Variants in XXYLT1 observed in about 807,000 individuals in gnomAD.
XXYLT1 encodes the protein xyloside xylosyltransferase 1.
A neutral mutation model predicts 28.9 loss-of-function variants in XXYLT1; 20 were observed. The ratio of observed to expected loss-of-function variants is 0.69; its 90% CI spans 0.49 to 1.00. The LOEUF (loss-of-function observed/expected upper bound fraction) is 1.00, where lower values mean the gene tolerates loss of function less well. XXYLT1 is among the 50% of genes least tolerant of loss of function. The pLI, the probability that XXYLT1 is intolerant of heterozygous loss-of-function variation, is 0.00. For synonymous variants in XXYLT1, 257 were observed against 253.8 expected (o/e 1.01, Z -0.12); for missense variants, 542 against 560.1 (o/e 0.97, Z 0.33).
At chr3:195,251,338 G>C (rs1725244631) in intron 1 of XXYLT1, among the ~76,000 whole-genome samples, 1 of 152,246 alleles carries the variant, frequency 6.6e-6, no homozygotes, top group South Asian at 2.1e-4. Context: ...ATGTGTTTCT[G>C]ACAGGGAAGG....
At chr3:195,117,782 G>T (rs1199126073) in intron 3 of XXYLT1, among the ~76,000 whole-genome samples, 1 of 152,218 alleles carries the variant, frequency 6.6e-6, no homozygotes, top group African/African-American at 2.4e-5. Flanking sequence ...ACACTGTGGA[G>T]GGGACTAATT....
At chr3:195,072,584 G>A (rs2108636567) in intron 3 of XXYLT1, among the ~76,000 whole-genome samples, 2 of 152,304 alleles carry the variant, frequency 1.3e-5, no homozygotes, top group Admixed American at 1.3e-4. Context: ...ACTCAATCAG[G>A]ATGAAGAGGT....
chr3:195,110,957 A>G (rs557892261), intron 3 of XXYLT1, among the ~76,000 whole-genome samples: 1 of 142,026 alleles, frequency 7.0e-6, no homozygotes, highest in East Asian at 2.2e-4. Flanking sequence ...GGGTGGGGGC[A>G]GGGTGATATT....
At chr3:195,127,425 A>G (rs1718694742) in intron 3 of XXYLT1, among the ~76,000 whole-genome samples, 1 of 152,206 alleles carries the variant, frequency 6.6e-6, no homozygotes, top group Non-Finnish European at 1.5e-5. Context: ...CTCAGGCCCC[A>G]TCTACTTGCA....
intron 2 of XXYLT1, among the ~76,000 whole-genome samples, chr3:195,178,035 G>A (rs1028701598): frequency 2.6e-5 from 4 of 151,880 alleles, no homozygotes; most frequent in Non-Finnish European, 4.4e-5. Flanking sequence ...TAACTGGACT[G>A]CACACTTAAG....
At chr3:195,208,169 A>G (rs896185509) in intron 2 of XXYLT1, among the ~76,000 whole-genome samples, 2 of 152,170 alleles carry the variant, frequency 1.3e-5, no homozygotes, top group African/African-American at 4.8e-5. Flanking sequence ...ACATACCCCA[A>G]CAGAGGTGGT....
At chr3:195,205,455 A>C (rs1723031116) in intron 2 of XXYLT1, among the ~76,000 whole-genome samples, 1 of 152,222 alleles carries the variant, frequency 6.6e-6, no homozygotes, top group African/African-American at 2.4e-5. Context: ...CTTGAAATAC[A>C]GAAATGAAGG....
chr3:195,207,596 C>G, intron 2 of XXYLT1: 1 of 403,276 alleles, frequency 2.5e-6, no homozygotes, highest in Non-Finnish European at 5.0e-6. Flanking sequence ...CACTTCACAG[C>G]TCTCTCTGTG....
At position 195,173,503 on chromosome 3, in the gene XXYLT1, C is replaced by T. The variant is rs934470640; in HGVS notation, c.653-16922G>A. The stretch of plus-strand genomic sequence containing the variant: ...CACAGCCTTGCTATGCACCTAAAAA[C>T]GGACATGAAACTCTATTTTTATTCA... On this transcript the variant is annotated intron_variant, in intron 2 of 3. Transcript: ENST00000310380. This position sits in a 1 kb window ranked among gnomAD's most constrained non-coding sequence, Gnocchi z 4.3. Among the ~76,000 whole-genome samples, 3 of 152,180 alleles carry T rather than the reference C, an allele frequency of 2.0e-5. No homozygotes were observed. The highest frequency in any genetic ancestry group is 4.1e-4 in the South Asian group (2 of 4,832).
rs996036691 is a variant in XXYLT1 at position 195,240,930 on chromosome 3, A to T, written c.505-14074T>A. ...AACAGAGCAAGACTCCATCTCAAAT[A>T]AAAAAAAGAGTCACTAAAACGCTCC... On this transcript the variant is annotated intron_variant, in intron 1 of 3. Coordinates refer to ENST00000310380, the MANE Select transcript of XXYLT1 (RefSeq NM_152531.5). This position sits in a 1 kb window ranked among gnomAD's most constrained non-coding sequence, Gnocchi z 4.7. 7.9e-5 allele frequency among the ~76,000 whole-genome samples: 12 copies of T among 152,120 alleles called. No individual in the cohort carries two copies. The highest frequency in any genetic ancestry group is 1.4e-4 in the African/African-American group (6 of 41,424).
chr3:195,125,944 C>T (rs1718597179), intron 3 of XXYLT1, among the ~76,000 whole-genome samples: 1 of 151,920 alleles, frequency 6.6e-6, no homozygotes, highest in Admixed American at 6.6e-5. Flanking sequence ...AGCTCTTCCA[C>T]AGGTTCACGA....
At chr3:195,155,667 G>A (rs1358448081) in intron 3 of XXYLT1, among the ~76,000 whole-genome samples, 3 of 95,664 alleles carry the variant, frequency 3.1e-5, no homozygotes, top group South Asian at 3.4e-4. Flanking sequence ...GCCCCCCACC[G>A]CCTGCCACGC....
intron 3 of XXYLT1, among the ~76,000 whole-genome samples, chr3:195,143,265 G>C (rs1014161325): frequency 6.6e-6 from 1 of 152,180 alleles, no homozygotes; most frequent in African/African-American, 2.4e-5. Flanking sequence ...AAGCCTTGCG[G>C]GGTGCAGCCC....
rs143665316 is a variant in XXYLT1 at position 195,203,589 on chromosome 3, A to G, written c.652+23120T>C. ...CATCTCCCTCTGTAAAACACAAAGA[A>G]CAGAGCTCTAGCCACCACTCAGGCC... On this transcript the variant is annotated intron_variant, in intron 2 of 3. Coordinates refer to ENST00000310380, the MANE Select transcript of XXYLT1 (RefSeq NM_152531.5). 2.6e-5 allele frequency among the ~76,000 whole-genome samples: 4 copies of G among 152,334 alleles called. No individual in the cohort carries two copies. In the East Asian group the frequency reaches 7.7e-4, roughly 29 times the overall value.
At chr3:195,136,828 A>G (rs1299672658) in intron 3 of XXYLT1, among the ~76,000 whole-genome samples, 1 of 152,112 alleles carries the variant, frequency 6.6e-6, no homozygotes, top group African/African-American at 2.4e-5. Context: ...AAATAAATAA[A>G]TAAATAAAAA....
intron 3 of XXYLT1, among the ~76,000 whole-genome samples, chr3:195,128,515 G>C (rs2108625481): frequency 6.6e-6 from 1 of 152,100 alleles, no homozygotes; most frequent in East Asian, 1.9e-4. Context: ...TGGTTTATGA[G>C]GCCCTCTGTG....
chr3:195,121,346 G>C (rs1718350859), intron 3 of XXYLT1, among the ~76,000 whole-genome samples: 1 of 152,224 alleles, frequency 6.6e-6, no homozygotes, highest in African/African-American at 2.4e-5. Flanking sequence ...CTCTTGTACA[G>C]AAAGCCTTGG....
At chr3:195,270,153 C>G in intron 1 of XXYLT1, 1 of 444,074 alleles carries the variant, frequency 2.3e-6, no homozygotes, top group Non-Finnish European at 4.3e-6. Flanking sequence ...AAGGCCCTCT[C>G]CAGTTGCTCA....
At chr3:195,111,557 A>G (rs1436913909) in intron 3 of XXYLT1, among the ~76,000 whole-genome samples, 1 of 152,092 alleles carries the variant, frequency 6.6e-6, no homozygotes. Flanking sequence ...GATGGTGCTC[A>G]GTGTCTCTCA....
Sources: allele counts gnomAD v4.1 joint callset (sites outside exome capture counted in the v4.1 genomes callset), GRCh38; gene constraint gnomAD v4.1.1; non-coding constraint Gnocchi (gnomAD v3.1); transcripts MANE v1.5; gene names NCBI Gene and HGNC (gene_info 2026-07-23, HGNC 2026-07-21).